The following LRRC4C variants were observed in gnomAD, a reference collection of about 807,000 sequenced individuals.
LRRC4C encodes the protein leucine rich repeat containing 4C.
In LRRC4C, 5 loss-of-function variants were observed where a neutral mutation model predicts 33.6. The observed-to-expected ratio is 0.15, with a 90% CI of 0.08 to 0.31. The LOEUF (loss-of-function observed/expected upper bound fraction) is 0.31. Ranked by LOEUF, LRRC4C falls within the 10% of genes least tolerant of loss-of-function variation. The pLI is 1.00. For synonymous variants in LRRC4C, 329 were observed against 302.0 expected (o/e 1.09, Z -0.93); for missense variants, 560 against 796.7 (o/e 0.70, Z 3.58).
chr11:41,216,617 G>A (rs1206999829), intron 1 of LRRC4C, among the ~76,000 whole-genome samples: 1 of 152,170 alleles, frequency 6.6e-6, no homozygotes, highest in African/African-American at 2.4e-5. Flanking sequence ...GCTGACAGTT[G>A]TGTTGATGAT....
chr11:40,715,467 T>C (rs562437818), intron 2 of LRRC4C, among the ~76,000 whole-genome samples: 6 of 152,306 alleles, frequency 3.9e-5, no homozygotes, highest in African/African-American at 1.4e-4. Context: ...ACCACTGTAT[T>C]GGAAAGGCAT....
At chr11:41,346,717 A>T (rs1951815173) in intron 1 of LRRC4C, among the ~76,000 whole-genome samples, 1 of 152,196 alleles carries the variant, frequency 6.6e-6, no homozygotes, top group Admixed American at 6.5e-5. Flanking sequence ...AGGTTCCAAA[A>T]AGTTCCGCAT....
intron 1 of LRRC4C, among the ~76,000 whole-genome samples, chr11:41,213,508 G>A (rs1195418535): frequency 6.6e-6 from 1 of 152,114 alleles, no homozygotes; most frequent in Non-Finnish European, 1.5e-5. Flanking sequence ...TGTATGTCTA[G>A]GTTTACTCGT....
chr11:40,831,830 C>A (rs977403546), intron 2 of LRRC4C, among the ~76,000 whole-genome samples: 15 of 152,028 alleles, frequency 9.9e-5, no homozygotes, highest in African/African-American at 3.1e-4. Context: ...TGGGAGAAAC[C>A]TGCCCCCATG....
intron 1 of LRRC4C, among the ~76,000 whole-genome samples, chr11:40,971,468 G>T (rs530038586): frequency 3.0e-4 from 46 of 152,294 alleles, no homozygotes; most frequent in African/African-American, 1.1e-3. Flanking sequence ...TTAAGACTTG[G>T]GAGCCCCCAT....
chr11:41,114,758 A>C (rs1484755078), intron 1 of LRRC4C, among the ~76,000 whole-genome samples: 1 of 152,166 alleles, frequency 6.6e-6, no homozygotes, highest in Non-Finnish European at 1.5e-5. Context: ...AAGCTCATAC[A>C]TTTAAAACTT....
intron 3 of LRRC4C, among the ~76,000 whole-genome samples, chr11:40,637,263 T>G (rs938381740): frequency 6.6e-6 from 1 of 152,174 alleles, no homozygotes; most frequent in Non-Finnish European, 1.5e-5. Context: ...CCCCCTCCTT[T>G]GTATGTGAAA....
intron 1 of LRRC4C, among the ~76,000 whole-genome samples, chr11:41,170,414 C>T (rs1405869735): frequency 1.3e-5 from 2 of 152,042 alleles, no homozygotes; most frequent in African/African-American, 2.4e-5. Context: ...GAGATATAGA[C>T]CAATGGAACA....
At chr11:40,827,827 A>C (rs1352643337) in intron 2 of LRRC4C, among the ~76,000 whole-genome samples, 1 of 151,810 alleles carries the variant, frequency 6.6e-6, no homozygotes, top group Non-Finnish European at 1.5e-5. Context: ...TATTTCATCT[A>C]TCAAGTGAAT....
At chr11:41,424,567 G>A (rs1954974827) in intron 1 of LRRC4C, among the ~76,000 whole-genome samples, 1 of 152,070 alleles carries the variant, frequency 6.6e-6, no homozygotes, top group South Asian at 2.1e-4. Flanking sequence ...GCAGAGCTCA[G>A]GATGACATGG....
chr11:40,712,404 A>C (rs985536936), intron 2 of LRRC4C, among the ~76,000 whole-genome samples: 4 of 152,230 alleles, frequency 2.6e-5, no homozygotes, highest in African/African-American at 9.6e-5. Context: ...TTAAAGAACT[A>C]AAAGTTAAAC....
intron 1 of LRRC4C, among the ~76,000 whole-genome samples, chr11:41,138,931 T>G (rs1943383386): frequency 6.6e-6 from 1 of 152,198 alleles, no homozygotes; most frequent in Non-Finnish European, 1.5e-5. Flanking sequence ...TTTTAAACCC[T>G]AAGAATACCT....
At chr11:41,229,041 T>C (rs1213938731) in intron 1 of LRRC4C, among the ~76,000 whole-genome samples, 1 of 152,184 alleles carries the variant, frequency 6.6e-6, no homozygotes, top group Non-Finnish European at 1.5e-5. Context: ...TGTTGCATTT[T>C]CTGACTTTTC....
chr11:41,159,735 G>C (rs1373073284), intron 1 of LRRC4C, among the ~76,000 whole-genome samples: 1 of 151,958 alleles, frequency 6.6e-6, no homozygotes, highest in Non-Finnish European at 1.5e-5. Context: ...CCCTGGAAAA[G>C]AAAATATCCA....
At chr11:41,117,983 G>T (rs568924270) in intron 1 of LRRC4C, among the ~76,000 whole-genome samples, 2 of 152,050 alleles carry the variant, frequency 1.3e-5, no homozygotes, top group Non-Finnish European at 2.9e-5. Flanking sequence ...AAATGTTAAA[G>T]GTGACTGACC....
At chr11:40,180,407 T>C (rs1425027180) in intron 5 of LRRC4C, among the ~76,000 whole-genome samples, 1 of 152,180 alleles carries the variant, frequency 6.6e-6, no homozygotes, top group African/African-American at 2.4e-5. Flanking sequence ...GCAAAACCCC[T>C]CCTACCCTAT....
chr11:40,306,441 TG>T, intron 4 of LRRC4C, among the ~76,000 whole-genome samples: 1 of 152,294 alleles, frequency 6.6e-6, no homozygotes, highest in Admixed American at 6.5e-5. Context: ...CCTTCAAAAC[TG>T]TCCCCGATAC....
chr11:40,936,161 T>G (rs1230769579), intron 1 of LRRC4C, among the ~76,000 whole-genome samples: 31 of 147,060 alleles, frequency 2.1e-4, no homozygotes, highest in Admixed American at 1.4e-4. Flanking sequence ...TAATTTGTGG[T>G]GGACCCAATA....
At chr11:40,929,884 C>T (rs1957546874) in intron 2 of LRRC4C, among the ~76,000 whole-genome samples, 1 of 151,982 alleles carries the variant, frequency 6.6e-6, no homozygotes, top group Non-Finnish European at 1.5e-5. Flanking sequence ...GTCTATTATC[C>T]TAAACAGTTA....
Sources: gnomAD v4.1 joint callset for allele counts (sites outside exome capture counted in the v4.1 genomes callset) on GRCh38, gnomAD v4.1.1 for gene constraint, MANE v1.5 for transcripts, NCBI Gene and HGNC (gene_info 2026-07-23, HGNC 2026-07-21) for gene names.